Variants in ZMAT3 observed in about 807,000 individuals in gnomAD.
ZMAT3 encodes the protein zinc finger matrin-type 3.
Under a neutral mutation model 32.3 loss-of-function variants are expected in ZMAT3, and 17 were observed. That is an observed-to-expected ratio of 0.53 (90% CI 0.36 to 0.79). The LOEUF (loss-of-function observed/expected upper bound fraction) is 0.79, where lower values mean the gene tolerates loss of function less well. Ranked by LOEUF, ZMAT3 falls within the 30% of genes least tolerant of loss-of-function variation. The pLI, the probability that ZMAT3 is intolerant of heterozygous loss-of-function variation, is 0.00. For synonymous variants in ZMAT3, 120 were observed against 133.1 expected (o/e 0.90, Z 0.68); for missense variants, 329 against 359.7 (o/e 0.91, Z 0.69).
At chr3:179,063,463 CACTA>C (rs949317141) in intron 2 of ZMAT3, among the ~76,000 whole-genome samples, 7 of 152,166 alleles carry the variant, frequency 4.6e-5, no homozygotes, top group South Asian at 4.1e-4. Context: ...GCTATCTGGC[CACTA>C]ACTATTACAA....
Position 179,025,131 on chromosome 3 carries a change from A to G in ZMAT3, c.756T>C (p.Asn252=). 1 of 1,614,216 alleles carries G rather than the reference A, an allele frequency of 6.2e-7. No individual in the cohort carries two copies. The highest frequency in any genetic ancestry group is 8.5e-7 in the Non-Finnish European group (1 of 1,180,038). ...PSGQFYCSMC[N]VGAGEEMEFR... is the part of the protein sequence containing the mutation. ...ATTCCATCTCTTCGCCAGCTCCAAC[A>G]TTACACATTGAGCAGTAAAACTGGC... Residue 252 remains asparagine, a synonymous_variant, in exon 6 of 6, where the codon AAT becomes AAC. Transcript: ENST00000311417.
chr3:179,057,035 T>C (rs952830111), intron 2 of ZMAT3, among the ~76,000 whole-genome samples: 6 of 152,094 alleles, frequency 3.9e-5, no homozygotes, highest in African/African-American at 1.4e-4. Flanking sequence ...GCCTGTCCAG[T>C]TCAAGTTAAA....
chr3:179,039,091 A>G (rs1026601716), intron 2 of ZMAT3, among the ~76,000 whole-genome samples: 2 of 152,238 alleles, frequency 1.3e-5, no homozygotes, highest in African/African-American at 4.8e-5. Flanking sequence ...CCACAGCTCA[A>G]CAAGGCCTAC....
chr3:179,036,830 C>CTGAAAACT, intron 2 of ZMAT3, among the ~76,000 whole-genome samples: 1 of 152,264 alleles, frequency 6.6e-6, no homozygotes, highest in South Asian at 2.1e-4. Flanking sequence ...AGTTTAAAGA[C>CTGAAAACT]TGAAAACTGA....
At position 179,020,940 on chromosome 3, in the gene ZMAT3, C is replaced by G. The variant is rs1020558765; in HGVS notation, c.*4077G>C. 4 of 152,186 alleles carry G rather than the reference C, an allele frequency of 2.6e-5. No homozygotes were observed. The East Asian group carries it at 7.7e-4, about 29-fold the overall frequency. The allele number at this position is 152,186 out of a possible 1,614,324, so 9.4% of individuals were successfully genotyped here. The stretch of plus-strand genomic sequence containing the variant: ...GCAAGCATATAGTTCTGTAGAAAAG[C>G]TTTCTAAAATGAGGTGGAAGATCTC... On this transcript the variant is annotated 3_prime_UTR_variant, in exon 6 of 6. Coordinates refer to ENST00000311417, the MANE Select transcript of ZMAT3 (RefSeq NM_022470.4).
In ZMAT3 at chr3:179,046,813, C is replaced by T. The variant is rs1017590734; in HGVS notation, c.271-15814G>A. On this transcript the variant is annotated intron_variant, in intron 2 of 5. Coordinates refer to ENST00000311417, the MANE Select transcript of ZMAT3 (RefSeq NM_022470.4). The surrounding 1 kb of genome is among the most constrained non-coding windows in gnomAD (Gnocchi z 4.3). ...CCCTGGGAACATAACTCCATTGGCC[C>T]GTTCACACCCCTATTCCCCATAGCA... 2.0e-5 allele frequency among the ~76,000 whole-genome samples: 3 copies of T among 152,100 alleles called. No homozygotes were observed. The highest frequency in any genetic ancestry group is 2.1e-4 in the South Asian group (1 of 4,826).
Position 179,030,883 on chromosome 3 carries a change from C to A in ZMAT3, c.387G>T (p.Pro129=), listed in dbSNP as rs138510384. 2 of 1,612,420 alleles carry A rather than the reference C, an allele frequency of 1.2e-6. No homozygotes were observed. Among genetic ancestry groups the A allele is most frequent in the South Asian group, 2.2e-5 (2 of 90,586 alleles). The change falls in exon 3 of 6, where the codon CCG becomes CCT. Residue 129 remains proline (P), a synonymous_variant. Coordinates refer to ENST00000311417, the MANE Select transcript of ZMAT3 (RefSeq NM_022470.4). ...CACCCTGACACACATGTCTCACCTGCGGAGGGACTGGAACAACTGGAGTAG... is the reference window on the plus strand; with the variant it reads ...CACCCTGACACACATGTCTCACCTGAGGAGGGACTGGAACAACTGGAGTAG... ...PAATPVVPVP[P]QMGSFKPGGR...
chr3:179,063,867 A>G (rs1478049085), intron 2 of ZMAT3, among the ~76,000 whole-genome samples: 1 of 152,234 alleles, frequency 6.6e-6, no homozygotes. Flanking sequence ...ACAATAGCTA[A>G]TGATGTTTTG....
At chr3:179,045,104 T>C (rs1202382587) in intron 2 of ZMAT3, among the ~76,000 whole-genome samples, 2 of 151,962 alleles carry the variant, frequency 1.3e-5, no homozygotes, top group African/African-American at 4.8e-5. Context: ...GAGTCGGTGA[T>C]AGAGAGCAAA....
intron 3 of ZMAT3, among the ~76,000 whole-genome samples, chr3:179,030,354 C>CTTTTTT (rs1230618538): frequency 3.0e-5 from 4 of 132,060 alleles, no homozygotes; most frequent in Non-Finnish European, 6.6e-5. Flanking sequence ...CCCAGAATTT[C>CTTTTTT]TTTTTTTTTT....
In ZMAT3 at chr3:179,067,783, G is replaced by C; in HGVS notation, c.-31C>G. 1 of 1,607,670 alleles carries C rather than the reference G, an allele frequency of 6.2e-7. No homozygotes were observed. The highest frequency in any genetic ancestry group is 2.2e-5 in the East Asian group (1 of 44,694). ...AGGGAAGCCTGGGGCATAATCCAGT[G>C]GGTGATGAGAAGCAAGGTCTTCAAA... is the stretch of plus-strand genomic sequence containing the variant. On this transcript the variant is annotated 5_prime_UTR_variant, in exon 2 of 6. Transcript: ENST00000311417.
At chr3:179,036,198 CAG>C (rs1719578993) in intron 2 of ZMAT3, among the ~76,000 whole-genome samples, 1 of 152,008 alleles carries the variant, frequency 6.6e-6, no homozygotes, top group African/African-American at 2.4e-5. Flanking sequence ...GGAAGATACA[CAG>C]AGGAGAGTCA....
chr3:179,027,669 CGCCAGCCGCAGCCT>C lies in ZMAT3; in HGVS notation c.520_533del (p.Arg174GlyfsTer5). ...ACGAGAATGAGTTACTCTGAGCTTC[CGCCAGCCGCAGCCT>C]CTTGGCATGATTCTTCCCTTGATAG... is the stretch of plus-strand genomic sequence containing the variant. On this transcript the variant is annotated frameshift_variant, in exon 4 of 6. Coordinates refer to ENST00000311417, the MANE Select transcript of ZMAT3 (RefSeq NM_022470.4). LOFTEE classifies it high-confidence loss of function. 1.2e-6 allele frequency: 2 copies of C among 1,614,152 alleles called. No homozygotes were observed. The highest frequency in any genetic ancestry group is 8.5e-7 in the Non-Finnish European group (1 of 1,180,020).
rs915959798 is a variant in ZMAT3 at position 179,022,343 on chromosome 3, A to G, written c.*2674T>C. 3 of 152,200 alleles carry G rather than the reference A, an allele frequency of 2.0e-5. No homozygotes were observed. The highest frequency in any genetic ancestry group is 7.2e-5 in the African/African-American group (3 of 41,440). 9.4% of individuals were successfully genotyped at this position (152,200 alleles called of 1,614,324 possible). On this transcript the variant is annotated 3_prime_UTR_variant, in exon 6 of 6. Coordinates refer to ENST00000311417, the MANE Select transcript of ZMAT3 (RefSeq NM_022470.4). ...AGTGGATGAATGACATTTTTACAAA[A>G]TATAAATTCATGTTCGTATCTTCTA... is the stretch of plus-strand genomic sequence containing the variant.
At chr3:179,028,773 C>A (rs1445906344) in intron 3 of ZMAT3, among the ~76,000 whole-genome samples, 4 of 152,162 alleles carry the variant, frequency 2.6e-5, no homozygotes, top group African/African-American at 9.7e-5. Flanking sequence ...GGAAGAACAG[C>A]CAGAATTGCT....
chr3:179,063,908 G>A (rs1721272543), intron 2 of ZMAT3, among the ~76,000 whole-genome samples: 1 of 152,166 alleles, frequency 6.6e-6, no homozygotes, highest in Non-Finnish European at 1.5e-5. Context: ...AAAAGTCCTT[G>A]GAATAAAACT....
chr3:179,037,100 C>A (rs1358200988), intron 2 of ZMAT3, among the ~76,000 whole-genome samples: 1 of 152,154 alleles, frequency 6.6e-6, no homozygotes, highest in Non-Finnish European at 1.5e-5. Context: ...TTCTTCTCCA[C>A]CCTATTCACT....
Position 179,067,617 on chromosome 3 carries a change from G to T in ZMAT3, c.136C>A (p.Pro46Thr). The T allele has an allele frequency of 6.2e-7, 1 of 1,614,132 alleles. No individual in the cohort carries two copies. Among genetic ancestry groups the T allele is most frequent in the Non-Finnish European group, 8.5e-7 (1 of 1,180,024 alleles). Residue 46 changes from proline to threonine, a missense_variant, in exon 2 of 6, where the codon CCT becomes ACT. Physicochemically the swap from Pro to Thr is conservative, Grantham distance 38. Transcript: ENST00000311417. ...GATAACTCTTCTTCCCCTGCAAGAG[G>T]CAAGGAAGCCTCCTGCCCAAAAGGC... ...QKPFGQEASLPLAGEEELSKG... is the reference protein window; with the variant it reads ...QKPFGQEASLTLAGEEELSKG...
At position 179,046,215 on chromosome 3, in the gene ZMAT3, G is replaced by A. The variant is rs78668348; in HGVS notation, c.271-15216C>T. Among the ~76,000 whole-genome samples the A allele has an allele frequency of 3.1e-3, 468 of 152,286 alleles. 3 individuals carry two copies. Among genetic ancestry groups the A allele is most frequent in the African/African-American group, 0.011 (446 of 41,564 alleles). ...CTACAGGAACACAGTCCATGAAAAG[G>A]CAGAAGAGGTACCCAGTACTAGTGG... On this transcript the variant is annotated intron_variant, in intron 2 of 5. Coordinates refer to ENST00000311417, the MANE Select transcript of ZMAT3 (RefSeq NM_022470.4). The surrounding 1 kb of genome is among the most constrained non-coding windows in gnomAD (Gnocchi z 4.3).
Sources: allele counts gnomAD v4.1 joint callset (sites outside exome capture counted in the v4.1 genomes callset), GRCh38; gene constraint gnomAD v4.1.1; non-coding constraint Gnocchi (gnomAD v3.1); transcripts MANE v1.5; gene names NCBI Gene and HGNC (gene_info 2026-07-23, HGNC 2026-07-21).